The following NCAM2 variants were observed in gnomAD, a reference collection of about 807,000 sequenced individuals.
The protein encoded by NCAM2 is N-CAM-2.
In NCAM2, 30 loss-of-function variants were observed where a neutral mutation model predicts 98.1. That is an observed-to-expected ratio of 0.31 (90% CI 0.23 to 0.41). NCAM2 has a LOEUF of 0.41. NCAM2 is among the 10% of genes least tolerant of loss of function. NCAM2 has a pLI of 1.00. For synonymous variants in NCAM2, 368 were observed against 342.4 expected (o/e 1.07, Z -0.83); for missense variants, 867 against 1,005.8 (o/e 0.86, Z 1.87).
chr21:21,255,914 C>T (rs971780983), intron 1 of NCAM2, among the ~76,000 whole-genome samples: 4 of 152,138 alleles, frequency 2.6e-5, no homozygotes, highest in Admixed American at 1.3e-4. Flanking sequence ...TCAACATAAT[C>T]TCTGATTATG....
intron 1 of NCAM2, among the ~76,000 whole-genome samples, chr21:21,015,819 G>A (rs1394023431): frequency 3.3e-5 from 5 of 152,030 alleles, no homozygotes; most frequent in Admixed American, 6.6e-5. Flanking sequence ...TTCTCCTGCC[G>A]TAGCCTCCTG....
intron 12 of NCAM2, among the ~76,000 whole-genome samples, chr21:21,453,142 T>C (rs1255290529): frequency 1.4e-5 from 2 of 140,322 alleles, no homozygotes; most frequent in East Asian, 4.0e-4. Flanking sequence ...ATAGTTTATA[T>C]ATAATGTTTA....
At chr21:21,317,625 C>A (rs900652915) in intron 5 of NCAM2, among the ~76,000 whole-genome samples, 1 of 152,032 alleles carries the variant, frequency 6.6e-6, no homozygotes, top group African/African-American at 2.4e-5. Flanking sequence ...CTCGACTTCC[C>A]AGGCTCAAGC....
intron 1 of NCAM2, among the ~76,000 whole-genome samples, chr21:21,265,393 CCAT>C (rs1442619975): frequency 0.25 from 94 of 382 alleles, 1 homozygote; most frequent in Admixed American, 0.3. Flanking sequence ...TATGTACACA[CCAT>C]ATATTATATA....
chr21:21,354,221 A>G (rs908439547), intron 8 of NCAM2, among the ~76,000 whole-genome samples: 2 of 152,168 alleles, frequency 1.3e-5, no homozygotes, highest in African/African-American at 2.4e-5. Context: ...CCTACGTAGT[A>G]TAGACCTACA....
chr21:21,170,225 A>G (rs2068079563), intron 1 of NCAM2, among the ~76,000 whole-genome samples: 1 of 152,222 alleles, frequency 6.6e-6, no homozygotes, highest in Non-Finnish European at 1.5e-5. Flanking sequence ...CATATTCTTA[A>G]TATATGATCC....
chr21:21,379,351 T>G (rs2076100606), intron 9 of NCAM2, among the ~76,000 whole-genome samples: 1 of 152,128 alleles, frequency 6.6e-6, no homozygotes, highest in Non-Finnish European at 1.5e-5. Context: ...AGGTGGAATC[T>G]TAGTATATGT....
intron 1 of NCAM2, among the ~76,000 whole-genome samples, chr21:21,279,765 C>T (rs2072863257): frequency 1.3e-5 from 2 of 152,142 alleles, no homozygotes; most frequent in South Asian, 2.1e-4. Flanking sequence ...AGTGCAGGTT[C>T]GTACTCTAGT....
intron 1 of NCAM2, among the ~76,000 whole-genome samples, chr21:21,164,512 G>A (rs2067888856): frequency 6.6e-6 from 1 of 151,906 alleles, no homozygotes; most frequent in East Asian, 1.9e-4. Context: ...ACTACCTTTG[G>A]TCAGATGACA....
At chr21:21,161,290 A>T (rs568616430) in intron 1 of NCAM2, among the ~76,000 whole-genome samples, 5 of 152,050 alleles carry the variant, frequency 3.3e-5, no homozygotes, top group Non-Finnish European at 5.9e-5. Flanking sequence ...GGACTAAGTT[A>T]GAAATACAAT....
At chr21:21,447,114 A>G (rs1207190443) in intron 12 of NCAM2, among the ~76,000 whole-genome samples, 6 of 152,296 alleles carry the variant, frequency 3.9e-5, no homozygotes, top group South Asian at 2.1e-4. Flanking sequence ...AGCAAAAAGA[A>G]CAAAGCTAGA....
intron 15 of NCAM2, among the ~76,000 whole-genome samples, chr21:21,505,721 T>G (rs1326066009): frequency 6.6e-6 from 1 of 151,970 alleles, no homozygotes; most frequent in South Asian, 2.1e-4. Flanking sequence ...TTAGATAATT[T>G]TTAGTTGAAA....
chr21:21,482,023 G>A lies in NCAM2; in HGVS notation c.2077+4552G>A, dbSNP rs1015734312. ...TGAGACAGGAGAATTGCTTGAACCC[G>A]GGAGTTGGAGGTTGCAATGAGCCAA... On this transcript the variant is annotated intron_variant, in intron 15 of 17. Transcript: ENST00000400546. 7.2e-5 allele frequency among the ~76,000 whole-genome samples: 11 copies of A among 152,096 alleles called. No individual in the cohort carries two copies. The South Asian group carries it at 8.3e-4, about 11-fold the overall frequency.
chr21:21,139,965 A>G (rs1380761930), intron 1 of NCAM2, among the ~76,000 whole-genome samples: 4 of 152,196 alleles, frequency 2.6e-5, no homozygotes, highest in Non-Finnish European at 4.4e-5. Flanking sequence ...AACATTCATC[A>G]TGAACAATTG....
At chr21:21,303,738 C>T (rs62207671) in intron 5 of NCAM2, among the ~76,000 whole-genome samples, 30,814 of 151,920 alleles carry the variant, frequency 0.2, 3,845 homozygotes, top group Non-Finnish European at 0.28. Flanking sequence ...AAGCAGTGTA[C>T]GGGTATTTCG....
chr21:21,190,722 G>C (rs574582208), intron 1 of NCAM2, among the ~76,000 whole-genome samples: 1 of 152,196 alleles, frequency 6.6e-6, no homozygotes, highest in Admixed American at 6.5e-5. Context: ...TAGCTCTACT[G>C]TTTACTCACA....
intron 1 of NCAM2, among the ~76,000 whole-genome samples, chr21:21,234,943 C>G (rs1056272635): frequency 6.6e-6 from 1 of 151,932 alleles, no homozygotes; most frequent in East Asian, 1.9e-4. Flanking sequence ...CCATCTTGTA[C>G]ATTTATAGTG....
chr21:21,475,911 A>G (rs1264088575), intron 14 of NCAM2, among the ~76,000 whole-genome samples: 1 of 151,436 alleles, frequency 6.6e-6, no homozygotes, highest in East Asian at 1.9e-4. Context: ...CAAAAAAAAT[A>G]TTAACTAGAA....
chr21:21,113,098 T>G (rs1290372393), intron 1 of NCAM2, among the ~76,000 whole-genome samples: 1 of 148,804 alleles, frequency 6.7e-6, no homozygotes, highest in Admixed American at 6.8e-5. Context: ...AAAGTGACAA[T>G]ATCCACCAGA....
Sources: allele counts gnomAD v4.1 joint callset (sites outside exome capture counted in the v4.1 genomes callset), GRCh38; gene constraint gnomAD v4.1.1; transcripts MANE v1.5; gene names NCBI Gene and HGNC (gene_info 2026-07-23, HGNC 2026-07-21).